The following GPHN variants were observed in gnomAD, a reference collection of about 807,000 sequenced individuals.
The protein encoded by GPHN is gephyrin.
Under a neutral mutation model 95.5 loss-of-function variants are expected in GPHN, and 17 were observed. The ratio of observed to expected loss-of-function variants is 0.18; its 90% CI spans 0.12 to 0.27. GPHN has a LOEUF of 0.27. GPHN is among the 10% of genes least tolerant of loss of function. The pLI, the probability that GPHN is intolerant of heterozygous loss-of-function variation, is 1.00. For synonymous variants in GPHN, 320 were observed against 322.5 expected (o/e 0.99, Z 0.08); for missense variants, 660 against 978.1 (o/e 0.67, Z 4.34).
chr14:67,692,507 C>T, the GPHN span: 1 of 1,613,720 alleles, frequency 6.2e-7, no homozygotes, highest in Non-Finnish European at 8.5e-7. Flanking sequence ...CGCACCAACA[C>T]CTGCTGGTTC....
chr14:66,949,993 GAAAAA>G (rs71129809), intron 8 of GPHN, among the ~76,000 whole-genome samples: 2 of 57,810 alleles, frequency 3.5e-5, no homozygotes, highest in African/African-American at 1.0e-4. Flanking sequence ...TTTAGGACAG[GAAAAA>G]AAAAAAAAAA....
intron 21 of GPHN, among the ~76,000 whole-genome samples, chr14:67,175,754 T>A (rs186297503): frequency 6.6e-6 from 1 of 152,324 alleles, no homozygotes; most frequent in East Asian, 1.9e-4. Flanking sequence ...TTTATTTGGT[T>A]GAGCAGTGGT....
chr14:67,029,394 A>G (rs1387271006), intron 10 of GPHN, among the ~76,000 whole-genome samples: 2 of 151,326 alleles, frequency 1.3e-5, no homozygotes, highest in African/African-American at 4.9e-5. Context: ...CTGGTGTGCA[A>G]TGGCACAGTC....
At chr14:66,615,091 A>G (rs1223211471) in intron 1 of GPHN, among the ~76,000 whole-genome samples, 4 of 152,156 alleles carry the variant, frequency 2.6e-5, no homozygotes, top group Non-Finnish European at 5.9e-5. Flanking sequence ...TATACGTATC[A>G]CATTTTCTTT....
chr14:66,768,595 A>C (rs1385890242), intron 2 of GPHN, among the ~76,000 whole-genome samples: 1 of 151,992 alleles, frequency 6.6e-6, no homozygotes, highest in African/African-American at 2.4e-5. Context: ...ATAAACATAC[A>C]TGTACCCAAA....
chr14:67,312,015 A>G, the GPHN span: 1 of 152,686 alleles, frequency 6.5e-6, no homozygotes, highest in South Asian at 2.1e-4. Flanking sequence ...GTGGTAAGGT[A>G]AAGTGTACCT....
At chr14:66,853,311 CTTTTCTTGTCA>C (rs894124386) in intron 4 of GPHN, among the ~76,000 whole-genome samples, 1 of 151,996 alleles carries the variant, frequency 6.6e-6, no homozygotes, top group African/African-American at 2.4e-5. Context: ...ATATGGATTC[CTTTTCTTGTCA>C]CATTTATTAC....
the GPHN span, chr14:67,676,934 A>G: frequency 6.6e-6 from 1 of 152,242 alleles, no homozygotes; most frequent in Non-Finnish European, 1.5e-5. Context: ...TTTATTCTGC[A>G]CTATTATCAG....
At chr14:66,768,350 G>C (rs1301903635) in intron 2 of GPHN, among the ~76,000 whole-genome samples, 3 of 151,914 alleles carry the variant, frequency 2.0e-5, no homozygotes, top group Non-Finnish European at 4.4e-5. Flanking sequence ...GATGATTATA[G>C]AGAAGATAAT....
chr14:67,575,256 T>C, the GPHN span: 4 of 602,146 alleles, frequency 6.6e-6, no homozygotes, highest in Non-Finnish European at 1.2e-5. Flanking sequence ...GGTGGTTCCA[T>C]TAGTAGGGAG....
chr14:67,149,418 G>GT (rs1210026537), intron 18 of GPHN, among the ~76,000 whole-genome samples: 11 of 152,064 alleles, frequency 7.2e-5, no homozygotes, highest in Non-Finnish European at 1.5e-4. Context: ...TGAACCAAAT[G>GT]TTTTTTTAAT....
intron 1 of GPHN, among the ~76,000 whole-genome samples, chr14:66,580,460 T>C (rs1370985561): frequency 7.0e-6 from 1 of 142,612 alleles, no homozygotes; most frequent in Non-Finnish European, 1.5e-5. Flanking sequence ...TTAGCTAGAC[T>C]GAAAAAATAG....
chr14:66,734,246 T>C (rs1444096003), intron 2 of GPHN, among the ~76,000 whole-genome samples: 1 of 152,212 alleles, frequency 6.6e-6, no homozygotes, highest in Non-Finnish European at 1.5e-5. Flanking sequence ...CAGGATAGGC[T>C]ACTAGACCCT....
the GPHN span, among the ~76,000 whole-genome samples, chr14:67,653,839 A>C: frequency 1.3e-5 from 2 of 152,236 alleles, no homozygotes; most frequent in Non-Finnish European, 2.9e-5. Flanking sequence ...TTAAGATTTG[A>C]ATTTCATCAG....
At chr14:67,697,696 AG>A in the GPHN span, among the ~76,000 whole-genome samples, 1 of 119,800 alleles carries the variant, frequency 8.3e-6, no homozygotes, top group Non-Finnish European at 2.2e-5. Flanking sequence ...GTTCCATGAG[AG>A]GGCCCTATAT....
intron 11 of GPHN, among the ~76,000 whole-genome samples, chr14:67,070,877 T>A (rs2076275560): frequency 6.6e-6 from 1 of 151,812 alleles, no homozygotes; most frequent in Non-Finnish European, 1.5e-5. Context: ...AATTACCTAT[T>A]CACACAGAAA....
At chr14:66,886,885 C>T (rs2064224246) in intron 5 of GPHN, among the ~76,000 whole-genome samples, 1 of 152,130 alleles carries the variant, frequency 6.6e-6, no homozygotes, top group Non-Finnish European at 1.5e-5. Context: ...CTGTAATTGA[C>T]AAATTGCTAG....
the GPHN span, chr14:67,472,557 G>A: frequency 6.6e-6 from 1 of 152,650 alleles, no homozygotes. Context: ...GAACTCCCCA[G>A]GCATCAGGCC....
chr14:67,492,602 C>T, the GPHN span, among the ~76,000 whole-genome samples: 38 of 152,164 alleles, frequency 2.5e-4, no homozygotes, highest in Non-Finnish European at 1.3e-4. Context: ...GTTGCCTCAC[C>T]AGGGAGGCAG....
Sources: allele counts gnomAD v4.1 joint callset (sites outside exome capture counted in the v4.1 genomes callset), GRCh38; gene constraint gnomAD v4.1.1; transcripts MANE v1.5; gene names NCBI Gene and HGNC (gene_info 2026-07-23, HGNC 2026-07-21).